Variants in MYLK observed in about 807,000 individuals in gnomAD.
The protein encoded by MYLK is myosin light chain kinase.
A neutral mutation model predicts 203.4 loss-of-function variants in MYLK; 106 were observed. That is an observed-to-expected ratio of 0.52 (90% CI 0.45 to 0.61). The LOEUF (loss-of-function observed/expected upper bound fraction) is 0.61. MYLK is among the 20% of genes least tolerant of loss of function. The pLI is 0.00. For missense variants in MYLK, 2,072 were observed against 2,442.3 expected (o/e 0.85, Z 3.20); for synonymous variants, 867 against 959.5 (o/e 0.90, Z 1.78).
At chr3:123,674,591 G>T (rs912430171) in intron 20 of MYLK, among the ~76,000 whole-genome samples, 3 of 152,224 alleles carry the variant, frequency 2.0e-5, no homozygotes, top group Non-Finnish European at 4.4e-5. Context: ...CCTACATTAT[G>T]ATTGCCTGGA....
intron 4 of MYLK, among the ~76,000 whole-genome samples, chr3:123,758,052 C>CA (rs113861838): frequency 0.015 from 1,926 of 129,220 alleles, 25 homozygotes; most frequent in African/African-American, 0.042. Context: ...CGTGGTTGCA[C>CA]AAAAAAAAAA....
At chr3:123,851,214 T>A (rs531241149) in intron 2 of MYLK, among the ~76,000 whole-genome samples, 21 of 152,256 alleles carry the variant, frequency 1.4e-4, no homozygotes, top group Admixed American at 7.9e-4. Flanking sequence ...CTTAGGATTG[T>A]CTTGGCAATG....
chr3:123,824,646 T>A (rs2066052135), intron 3 of MYLK, among the ~76,000 whole-genome samples: 1 of 152,136 alleles, frequency 6.6e-6, no homozygotes, highest in African/African-American at 2.4e-5. Context: ...AAGGTCCTAA[T>A]GCCCACCTTT....
chr3:123,798,637 G>A (rs1303407277), intron 3 of MYLK, among the ~76,000 whole-genome samples: 1 of 152,128 alleles, frequency 6.6e-6, no homozygotes, highest in Non-Finnish European at 1.5e-5. Context: ...TCCATCCCTA[G>A]GAGAGGTCTG....
intron 11 of MYLK, 145 bp from the exon 12 acceptor site, chr3:123,726,223 T>C (rs820330): frequency 1 from 988,247 of 993,164 alleles, 491,837 homozygotes; most frequent in East Asian, 1. Context: ...TCTCTCTTCA[T>C]GCTTAAGAAA....
intron 3 of MYLK, among the ~76,000 whole-genome samples, chr3:123,817,999 C>T (rs994332921): frequency 2.0e-5 from 3 of 152,166 alleles, no homozygotes; most frequent in Non-Finnish European, 2.9e-5. Context: ...TCTTCCATTG[C>T]CCAGCTCCTA....
At chr3:123,750,395 T>A (rs1458753706) in intron 5 of MYLK, among the ~76,000 whole-genome samples, 1 of 152,164 alleles carries the variant, frequency 6.6e-6, no homozygotes, top group Non-Finnish European at 1.5e-5. Flanking sequence ...CTGAGTACCA[T>A]GAGCTACTAA....
chr3:123,870,522 A>G (rs932307883), intron 2 of MYLK, among the ~76,000 whole-genome samples: 22 of 152,260 alleles, frequency 1.4e-4, no homozygotes, highest in African/African-American at 5.3e-4. Flanking sequence ...CAAGCTGAGA[A>G]ACAAAGACAG....
intron 4 of MYLK, among the ~76,000 whole-genome samples, chr3:123,766,265 T>C (rs1400174292): frequency 6.6e-6 from 1 of 152,246 alleles, no homozygotes; most frequent in African/African-American, 2.4e-5. Flanking sequence ...CATTGTGCTA[T>C]GAATAAGACC....
At chr3:123,616,661 G>A (rs2057512696) in intron 33 of MYLK, 1 of 152,130 alleles carries the variant, frequency 6.6e-6, no homozygotes. Flanking sequence ...GGTCATGGAG[G>A]CCGATCCCTC....
chr3:123,698,607 G>A (rs1480878427), intron 18 of MYLK, among the ~76,000 whole-genome samples: 1 of 152,162 alleles, frequency 6.6e-6, no homozygotes, highest in Non-Finnish European at 1.5e-5. Flanking sequence ...GCAGAGGTGG[G>A]GGATGGAGGA....
intron 29 of MYLK, 147 bp downstream of exon 29, chr3:123,637,924 G>A: frequency 8.3e-7 from 1 of 1,198,392 alleles, no homozygotes; most frequent in Non-Finnish European, 1.2e-6. Flanking sequence ...AGGGATAGGA[G>A]GGGAGCCTGC....
intron 19 of MYLK, chr3:123,692,272 C>T (rs917412754): frequency 9.1e-7 from 1 of 1,093,352 alleles, no homozygotes; most frequent in Non-Finnish European, 1.1e-6. Context: ...AGAGACTCAG[C>T]CCCGACTCAC....
In MYLK at chr3:123,642,624, TC is replaced by T. The variant is rs1258257013; in HGVS notation, c.4620-2121del. ...AGGTGGCGCTCTTGTCCTTATGCCC[TC>T]CATTTCTATTGCTCTCTGCCAAGGC... On this transcript the variant is annotated intron_variant, in intron 27 of 33. Coordinates refer to ENST00000360304, the MANE Select transcript of MYLK (RefSeq NM_053025.4). This position sits in a 1 kb window ranked among gnomAD's most constrained non-coding sequence, Gnocchi z 4.2. 1.3e-5 allele frequency among the ~76,000 whole-genome samples: 2 copies of T among 152,214 alleles called. No individual in the cohort carries two copies. Among genetic ancestry groups the T allele is most frequent in the African/African-American group, 4.8e-5 (2 of 41,454 alleles).
At chr3:123,723,713 C>A (rs2062174267) in intron 12 of MYLK, among the ~76,000 whole-genome samples, 1 of 152,210 alleles carries the variant, frequency 6.6e-6, no homozygotes, top group Admixed American at 6.5e-5. Context: ...CTAAAGTTAG[C>A]AGCCAAGGAA....
intron 19 of MYLK, chr3:123,692,464 G>A: frequency 8.5e-7 from 1 of 1,177,232 alleles, no homozygotes; most frequent in Non-Finnish European, 1.1e-6. Flanking sequence ...CAGCTCAGAA[G>A]GTTCTGGGTG....
chr3:123,854,315 T>C (rs1301637477), intron 2 of MYLK, among the ~76,000 whole-genome samples: 1 of 151,956 alleles, frequency 6.6e-6, no homozygotes, highest in Non-Finnish European at 1.5e-5. Context: ...CTATAGTTTT[T>C]TCTTAAAAAA....
At chr3:123,769,083 CT>C (rs752293133) in intron 4 of MYLK, among the ~76,000 whole-genome samples, 12 of 152,328 alleles carry the variant, frequency 7.9e-5, no homozygotes, top group Admixed American at 3.3e-4. Context: ...AAAATCAGGC[CT>C]GTCCCAGACA....
chr3:123,641,555 A>G (rs1335416767), intron 27 of MYLK, among the ~76,000 whole-genome samples: 1 of 151,744 alleles, frequency 6.6e-6, no homozygotes, highest in African/African-American at 2.4e-5. Context: ...AAAGAAAGGA[A>G]AGGAAGGAGG....
Sources: gnomAD v4.1 joint callset for allele counts (sites outside exome capture counted in the v4.1 genomes callset) on GRCh38, gnomAD v4.1.1 for gene constraint, Gnocchi (gnomAD v3.1) non-coding constraint, MANE v1.5 for transcripts, NCBI Gene and HGNC (gene_info 2026-07-23, HGNC 2026-07-21) for gene names.